MAP3K9: variants seen among roughly 807,000 people sequenced by gnomAD.
MAP3K9 encodes the protein mixed lineage kinase 1 (tyr and ser/thr specificity).
Under a neutral mutation model 95.8 loss-of-function variants are expected in MAP3K9, and 46 were observed. That is an observed-to-expected ratio of 0.48 (90% CI 0.38 to 0.61). MAP3K9 has a LOEUF of 0.61. MAP3K9 is among the 20% of genes least tolerant of loss of function. The pLI is 0.00. For synonymous variants in MAP3K9, 533 were observed against 593.8 expected (o/e 0.90, Z 1.49); for missense variants, 1,296 against 1,474.3 (o/e 0.88, Z 1.98).
chr14:70,771,974 G>T (rs1049006704), intron 2 of MAP3K9, among the ~76,000 whole-genome samples: 4 of 152,228 alleles, frequency 2.6e-5, no homozygotes, highest in Non-Finnish European at 5.9e-5. Context: ...GAGTGCGGCC[G>T]CTGTGCATCC....
intron 1 of MAP3K9, among the ~76,000 whole-genome samples, chr14:70,802,599 C>T (rs1187786617): frequency 6.6e-6 from 1 of 152,174 alleles, no homozygotes; most frequent in Non-Finnish European, 1.5e-5. Context: ...CATACTCATA[C>T]CTCAGGTCTT....
chr14:70,746,883 CA>C (rs561678873), intron 5 of MAP3K9, among the ~76,000 whole-genome samples: 14 of 152,058 alleles, frequency 9.2e-5, no homozygotes, highest in African/African-American at 3.1e-4. Context: ...ATGCAGCAAT[CA>C]AAAAAACAAA....
chr14:70,745,555 T>C (rs1032907900), intron 5 of MAP3K9, among the ~76,000 whole-genome samples: 3 of 152,182 alleles, frequency 2.0e-5, no homozygotes, highest in African/African-American at 4.8e-5. Context: ...CTGGCCATGA[T>C]AGTGAAACCC....
In MAP3K9 at chr14:70,726,789, T is replaced by C. The variant is rs1029775223; in HGVS notation, c.*3591A>G. On this transcript the variant is annotated 3_prime_UTR_variant, in exon 12 of 12. Transcript: ENST00000554752. Reference sequence around the variant, plus strand: ...CCACACTCTCAACTTCAGCGATTCATCCTGTATAGATGAAAGAAGCTTCCT... The same window carrying C: ...CCACACTCTCAACTTCAGCGATTCACCCTGTATAGATGAAAGAAGCTTCCT... 6.6e-6 allele frequency: 1 copy of C among 152,248 alleles called. No individual in the cohort carries two copies. Among genetic ancestry groups the C allele is most frequent in the African/African-American group, 2.4e-5 (1 of 41,448 alleles). The allele number at this position is 152,248 out of a possible 1,614,324, so 9.4% of individuals were successfully genotyped here.
chr14:70,765,939 A>G (rs1051933585), intron 2 of MAP3K9, among the ~76,000 whole-genome samples: 10 of 152,012 alleles, frequency 6.6e-5, no homozygotes, highest in Admixed American at 2.0e-4. Flanking sequence ...GACTGTACCG[A>G]GAAGAACTAA....
chr14:70,770,639 A>G (rs2054518824), intron 2 of MAP3K9, among the ~76,000 whole-genome samples: 1 of 152,252 alleles, frequency 6.6e-6, no homozygotes, highest in Non-Finnish European at 1.5e-5. Context: ...AGCCAAGAGC[A>G]GATACAATCT....
chr14:70,730,213 G>C lies in MAP3K9; in HGVS notation c.*167C>G. ...GGTAGAAAGGCCCTGCAGGGCAGGA[G>C]ACCCTCTGAAGTGGCCCTGTTTCCA... On this transcript the variant is annotated 3_prime_UTR_variant, in exon 12 of 12. Coordinates refer to ENST00000554752, the MANE Select transcript of MAP3K9 (RefSeq NM_001284230.2). 1.0e-6 allele frequency: 1 copy of C among 988,416 alleles called. No individual in the cohort carries two copies. The highest frequency in any genetic ancestry group is 1.4e-6 in the Non-Finnish European group (1 of 689,820). 61.2% of individuals were successfully genotyped at this position (988,416 alleles called of 1,614,324 possible). A position where few individuals can be genotyped will look rare whatever the true frequency, so the allele number is the denominator to read the frequency against.
At chr14:70,768,706 C>T (rs1382490021) in intron 2 of MAP3K9, among the ~76,000 whole-genome samples, 1 of 152,150 alleles carries the variant, frequency 6.6e-6, no homozygotes, top group Non-Finnish European at 1.5e-5. Context: ...TATCATTTAG[C>T]TGAGGCCAGG....
chr14:70,738,640 A>T (rs1044514710), intron 7 of MAP3K9, among the ~76,000 whole-genome samples: 8 of 152,250 alleles, frequency 5.3e-5, no homozygotes, highest in African/African-American at 1.9e-4. Context: ...AATCCAATGT[A>T]AAGCTAGAGC....
At chr14:70,768,012 T>A (rs922301841) in intron 2 of MAP3K9, among the ~76,000 whole-genome samples, 1 of 152,212 alleles carries the variant, frequency 6.6e-6, no homozygotes, top group African/African-American at 2.4e-5. Flanking sequence ...ACCACCTATA[T>A]ATACCACTTA....
rs77259235 is a variant in MAP3K9 at position 70,754,972 on chromosome 14, A to G, written c.1002-4891T>C. On this transcript the variant is annotated intron_variant, in intron 3 of 11. Transcript: ENST00000554752. ...CCAAGCAGACTGGGAAACTTACACA[A>G]TTGAGGATCCAGCCCTTTATCATCT... 8.3e-3 allele frequency among the ~76,000 whole-genome samples: 1,269 copies of G among 152,278 alleles called. 16 individuals are homozygous for G. The highest frequency in any genetic ancestry group is 0.028 in the African/African-American group (1,160 of 41,548).
At chr14:70,742,653 G>A in intron 5 of MAP3K9, 62 bp from the exon 6 acceptor site, 2 of 1,568,858 alleles carry the variant, frequency 1.3e-6, no homozygotes, top group South Asian at 2.4e-5. Flanking sequence ...GGGGCTCTGG[G>A]GTGAGGCCTG....
rs749375454 is a variant in MAP3K9, at chr14:70,808,845, G to A, written c.327C>T (p.Asn109=). ...LNQRVGIFPS[N]YVTPRSAFSS... is the part of the protein sequence containing the mutation. ...AGAAGGCGCTGCGCGGGGTCACGTAGTTGCTGGGGAAGATGCCCACCCGCT... is the reference window on the plus strand; with the variant it reads ...AGAAGGCGCTGCGCGGGGTCACGTAATTGCTGGGGAAGATGCCCACCCGCT... Residue 109 remains asparagine (N), a synonymous_variant, in exon 1 of 12, where the codon AAC becomes AAT. Transcript: ENST00000554752. The A allele has an allele frequency of 1.2e-5, 19 of 1,599,340 alleles. No homozygotes were observed. The highest frequency in any genetic ancestry group is 1.5e-5 in the Non-Finnish European group (18 of 1,175,556).
chr14:70,749,352 A>G (rs1288126309), intron 4 of MAP3K9, among the ~76,000 whole-genome samples: 1 of 152,226 alleles, frequency 6.6e-6, no homozygotes, highest in Non-Finnish European at 1.5e-5. Context: ...ACAATGGGGA[A>G]TTATGCCCTG....
At chr14:70,788,429 C>T (rs1369818599) in intron 2 of MAP3K9, among the ~76,000 whole-genome samples, 1 of 152,186 alleles carries the variant, frequency 6.6e-6, no homozygotes, top group Non-Finnish European at 1.5e-5. Context: ...ACTTCTACCC[C>T]GTAAGATGAG....
At chr14:70,794,990 CT>C (rs572010694) in intron 2 of MAP3K9, among the ~76,000 whole-genome samples, 50 of 76,812 alleles carry the variant, frequency 6.5e-4, no homozygotes, top group East Asian at 4.3e-3. Context: ...TTTTCTTTTC[CT>C]TTTTTTTTTT....
intron 2 of MAP3K9, among the ~76,000 whole-genome samples, chr14:70,800,352 C>T (rs1176905948): frequency 6.6e-6 from 1 of 152,092 alleles, no homozygotes; most frequent in Non-Finnish European, 1.5e-5. Context: ...TTCACACTTC[C>T]CACAAGTTTT....
At chr14:70,783,301 A>G (rs1194618729) in intron 2 of MAP3K9, 1 of 974,002 alleles carries the variant, frequency 1.0e-6, no homozygotes, top group Non-Finnish European at 1.2e-6. Flanking sequence ...GTAAATTCAA[A>G]TTAGTCTGAC....
chr14:70,734,519 A>C lies in MAP3K9; in HGVS notation c.1914-21T>G, dbSNP rs781657864. ...TGAGGCTGAATCAGAGGAAAAGAGG[A>C]AACTGTCAGAACTGGTTACCTTTCT... is the stretch of plus-strand genomic sequence containing the variant. On this transcript the variant is annotated intron_variant, in intron 9 of 11. Coordinates refer to ENST00000554752, the MANE Select transcript of MAP3K9 (RefSeq NM_001284230.2). 6 of 1,404,278 alleles carry C rather than the reference A, an allele frequency of 4.3e-6. No individual in the cohort carries two copies. In the East Asian group the frequency reaches 1.1e-4, roughly 27 times the overall value. 87.0% of individuals were successfully genotyped at this position (1,404,278 alleles called of 1,614,324 possible).
Sources: gnomAD v4.1 joint callset for allele counts (sites outside exome capture counted in the v4.1 genomes callset) on GRCh38, gnomAD v4.1.1 for gene constraint, MANE v1.5 for transcripts, NCBI Gene and HGNC (gene_info 2026-07-23, HGNC 2026-07-21) for gene names.